TBC1D22A: variants seen among roughly 807,000 people sequenced by gnomAD.
The protein encoded by TBC1D22A is TBC1 domain family member 22A.
A neutral mutation model predicts 60.2 loss-of-function variants in TBC1D22A; 38 were observed. The ratio of observed to expected loss-of-function variants is 0.63; its 90% CI spans 0.49 to 0.83. The LOEUF (loss-of-function observed/expected upper bound fraction) is 0.83. TBC1D22A is among the 40% of genes least tolerant of loss of function. The pLI is 0.00. For synonymous variants in TBC1D22A, 302 were observed against 281.7 expected, an observed-to-expected ratio of 1.07 and a Z score of -0.72; for missense variants, 628 against 701.0, an observed-to-expected ratio of 0.90 and a Z score of 1.18.
intron 4 of TBC1D22A, among the ~76,000 whole-genome samples, chr22:46,854,408 G>C (rs1018231487): frequency 6.6e-6 from 1 of 152,030 alleles, no homozygotes; most frequent in Non-Finnish European, 1.5e-5. Flanking sequence ...CTCCTCCACT[G>C]AACAAGCCAC....
chr22:46,987,175 CT>C (rs1031429322), intron 9 of TBC1D22A, among the ~76,000 whole-genome samples: 2 of 152,218 alleles, frequency 1.3e-5, no homozygotes, highest in African/African-American at 4.8e-5. Flanking sequence ...GTCATGCCCC[CT>C]GTACGCTTTT....
chr22:46,803,512 C>T (rs370150745), intron 4 of TBC1D22A, among the ~76,000 whole-genome samples: 30 of 152,324 alleles, frequency 2.0e-4, no homozygotes, highest in African/African-American at 7.0e-4. Context: ...GCGACCCGGC[C>T]GTCAGCGTTC....
At chr22:47,096,689 G>A (rs1003657757) in intron 11 of TBC1D22A, among the ~76,000 whole-genome samples, 6 of 152,146 alleles carry the variant, frequency 3.9e-5, no homozygotes, top group Non-Finnish European at 8.8e-5. Flanking sequence ...GGGTGTAGTG[G>A]CGCATGCCTG....
At chr22:47,142,316 C>T (rs888363888) in intron 12 of TBC1D22A, among the ~76,000 whole-genome samples, 8 of 136,064 alleles carry the variant, frequency 5.9e-5, no homozygotes, top group African/African-American at 8.3e-5. Flanking sequence ...TCCATCCACC[C>T]ACCCATCCAT....
chr22:46,906,731 C>A (rs56755846), intron 7 of TBC1D22A, among the ~76,000 whole-genome samples: 14,503 of 151,812 alleles, frequency 0.096, 1,332 homozygotes, highest in African/African-American at 0.24. Flanking sequence ...AGACCCTGAG[C>A]TGTTTCACTG....
intron 4 of TBC1D22A, among the ~76,000 whole-genome samples, chr22:46,814,874 G>A (rs1601977065): frequency 6.7e-6 from 1 of 150,202 alleles, no homozygotes; most frequent in Admixed American, 6.6e-5. Context: ...TGCTGGTCTC[G>A]AACCCCTGAC....
At chr22:46,763,401 T>G (rs901096194) in intron 1 of TBC1D22A, 1 of 105,032 alleles carries the variant, frequency 9.5e-6, no homozygotes, top group Non-Finnish European at 1.9e-5. Flanking sequence ...GAAGTTTTTT[T>G]TTTTTTTTTT....
intron 8 of TBC1D22A, among the ~76,000 whole-genome samples, chr22:46,927,332 A>C (rs1243004276): frequency 6.6e-6 from 1 of 152,254 alleles, no homozygotes; most frequent in African/African-American, 2.4e-5. Context: ...CACTGTATTA[A>C]CAGAATAAAG....
chr22:47,131,714 T>C (rs2066684154), intron 12 of TBC1D22A, among the ~76,000 whole-genome samples: 1 of 152,194 alleles, frequency 6.6e-6, no homozygotes, highest in African/African-American at 2.4e-5. Flanking sequence ...CACTCTGCAG[T>C]GACAGGCCCC....
chr22:47,130,413 G>A (rs146821150), intron 12 of TBC1D22A, among the ~76,000 whole-genome samples: 6 of 152,114 alleles, frequency 3.9e-5, no homozygotes, highest in African/African-American at 1.4e-4. Context: ...GCACTTCTCT[G>A]TGTGAATGAG....
intron 12 of TBC1D22A, among the ~76,000 whole-genome samples, chr22:47,140,724 C>T (rs1231464114): frequency 1.3e-5 from 2 of 152,182 alleles, no homozygotes. Flanking sequence ...AAAGCCTGGC[C>T]CTGGCGGCTT....
chr22:47,102,116 C>G (rs2065441217), intron 11 of TBC1D22A, among the ~76,000 whole-genome samples: 2 of 152,214 alleles, frequency 1.3e-5, no homozygotes, highest in Non-Finnish European at 2.9e-5. Context: ...GCAGAACAGT[C>G]CTGAGTATCT....
chr22:46,840,682 G>A (rs1253019148), intron 4 of TBC1D22A, among the ~76,000 whole-genome samples: 1 of 151,746 alleles, frequency 6.6e-6, no homozygotes, highest in East Asian at 1.9e-4. Flanking sequence ...GCAGTGAGCC[G>A]AGATTGCGCC....
rs1312889342 is a variant in TBC1D22A at position 46,990,136 on chromosome 22, TATAG to T, written c.1126-7493_1126-7490del. ...GTAAGTTTTATTTAAAATGAACTCT[TATAG>T]ATAGTTTATTCTTGCAACTTGCTTT... On this transcript the variant is annotated intron_variant, in intron 9 of 12. Transcript: ENST00000337137. The surrounding 1 kb of genome is among the most constrained non-coding windows in gnomAD (Gnocchi z 4.6). 1.3e-5 allele frequency among the ~76,000 whole-genome samples: 2 copies of T among 152,236 alleles called. No individual in the cohort carries two copies. The highest frequency in any genetic ancestry group is 6.5e-5 in the Admixed American group (1 of 15,288).
chr22:46,819,194 C>G (rs2085724178), intron 4 of TBC1D22A, among the ~76,000 whole-genome samples: 1 of 152,140 alleles, frequency 6.6e-6, no homozygotes, highest in Non-Finnish European at 1.5e-5. Context: ...GACAACTTGA[C>G]TCCTCTCTTC....
chr22:46,996,175 C>T (rs959722111), intron 9 of TBC1D22A, among the ~76,000 whole-genome samples: 1 of 152,244 alleles, frequency 6.6e-6, no homozygotes, highest in Non-Finnish European at 1.5e-5. Flanking sequence ...GGCCCGAGCC[C>T]ACTTGGTGAG....
chr22:46,943,200 C>G (rs1423340328), intron 8 of TBC1D22A, among the ~76,000 whole-genome samples: 2 of 152,034 alleles, frequency 1.3e-5, no homozygotes, highest in Admixed American at 6.6e-5. Context: ...GGCTTATGCT[C>G]TCCTCCCAGC....
intron 11 of TBC1D22A, among the ~76,000 whole-genome samples, chr22:47,103,530 T>A (rs1044278076): frequency 6.6e-6 from 1 of 152,154 alleles, no homozygotes; most frequent in Non-Finnish European, 1.5e-5. Flanking sequence ...CATTTCTACT[T>A]GATCCTGAAG....
chr22:46,907,796 G>A (rs930029411), intron 7 of TBC1D22A, among the ~76,000 whole-genome samples: 3 of 152,262 alleles, frequency 2.0e-5, no homozygotes, highest in Non-Finnish European at 2.9e-5. Context: ...GGGCAGTGCG[G>A]TGGAGGAGCT....
Sources: gnomAD v4.1 joint callset for allele counts (sites outside exome capture counted in the v4.1 genomes callset) on GRCh38, gnomAD v4.1.1 for gene constraint, Gnocchi (gnomAD v3.1) non-coding constraint, MANE v1.5 for transcripts, NCBI Gene and HGNC (gene_info 2026-07-23, HGNC 2026-07-21) for gene names.